The following NUP153 variants were observed in gnomAD, a reference collection of about 807,000 sequenced individuals.
NUP153 encodes nuclear pore complex protein Nup153.
A neutral mutation model predicts 134.6 loss-of-function variants in NUP153; 27 were observed. That is an observed-to-expected ratio of 0.20 (90% CI 0.15 to 0.28). NUP153 has a LOEUF of 0.28. Among genes scored for constraint, NUP153 ranks in the 10% least tolerant of loss-of-function variants. The probability of loss-of-function intolerance (pLI) is 1.00; values close to 1 mark genes in which losing one functional copy is unlikely to be tolerated. For synonymous variants in NUP153, 640 were observed against 623.5 expected (o/e 1.03, Z -0.40); for missense variants, 1,821 against 1,731.3 (o/e 1.05, Z -0.92).
At chr6:17,629,570 A>C in intron 17 of NUP153, 31 bp from the exon 18 acceptor site, 2 of 1,535,228 alleles carry the variant, frequency 1.3e-6, no homozygotes, top group Non-Finnish European at 1.7e-6. Flanking sequence ...CCACATAGAC[A>C]CTCAATGTAC....
chr6:17,700,456 C>A (rs1769981374), intron 1 of NUP153, among the ~76,000 whole-genome samples: 1 of 152,194 alleles, frequency 6.6e-6, no homozygotes, highest in Non-Finnish European at 1.5e-5. Context: ...TATCAACTAT[C>A]CAATCCTATC....
intron 5 of NUP153, among the ~76,000 whole-genome samples, chr6:17,672,606 A>G (rs1030621711): frequency 3.3e-5 from 5 of 152,176 alleles, no homozygotes; most frequent in Non-Finnish European, 5.9e-5. Flanking sequence ...GACGGTGCAA[A>G]AGCTATTCAA....
rs370190728 is a variant in NUP153 at position 17,675,801 on chromosome 6, T to C, written c.335-31A>G. 25 of 1,599,858 alleles carry C rather than the reference T, an allele frequency of 1.6e-5. No homozygotes were observed. The African/African-American group carries it at 2.1e-4, about 14-fold the overall frequency. On this transcript the variant is annotated intron_variant, in intron 2 of 21. Coordinates refer to ENST00000262077, the MANE Select transcript of NUP153 (RefSeq NM_005124.4). This position sits in a 1 kb window ranked among gnomAD's most constrained non-coding sequence, Gnocchi z 4.4. Reference sequence around the variant, plus strand: ...AAGAAAAGCATTAATATTATGAATATACAACTTAGAGCGATACACTACCAC... The same window carrying C: ...AAGAAAAGCATTAATATTATGAATACACAACTTAGAGCGATACACTACCAC...
intron 1 of NUP153, among the ~76,000 whole-genome samples, chr6:17,689,321 A>G (rs1769137446): frequency 6.6e-6 from 1 of 152,052 alleles, no homozygotes; most frequent in Admixed American, 6.6e-5. Context: ...CAGGAGACAG[A>G]GGTTACAGGG....
chr6:17,671,527 A>G (rs927514997), intron 5 of NUP153, among the ~76,000 whole-genome samples: 1 of 152,254 alleles, frequency 6.6e-6, no homozygotes, highest in African/African-American at 2.4e-5. Flanking sequence ...CTAATACCAA[A>G]TAACAAAAGT....
chr6:17,643,024 G>A (rs539400999), intron 14 of NUP153, among the ~76,000 whole-genome samples: 2 of 152,278 alleles, frequency 1.3e-5, no homozygotes, highest in African/African-American at 4.8e-5. Flanking sequence ...AGGCAGAATG[G>A]GGAGCAACTT....
chr6:17,691,991 T>G (rs1403974612), intron 1 of NUP153, among the ~76,000 whole-genome samples: 1 of 152,134 alleles, frequency 6.6e-6, no homozygotes, highest in Non-Finnish European at 1.5e-5. Context: ...TAATGTAGAT[T>G]TAAAAATTTT....
At chr6:17,656,326 G>A (rs1766819765) in intron 11 of NUP153, among the ~76,000 whole-genome samples, 1 of 152,184 alleles carries the variant, frequency 6.6e-6, no homozygotes, top group Non-Finnish European at 1.5e-5. Flanking sequence ...GTGATGGGAA[G>A]GACTGGGTGA....
In NUP153 at chr6:17,625,869, G is replaced by C. The variant is rs1220608239; in HGVS notation, c.3840C>G (p.Ser1280Arg). The C allele has an allele frequency of 2.5e-6, 4 of 1,614,098 alleles. No individual in the cohort carries two copies. The African/African-American group carries it at 5.3e-5, about 22-fold the overall frequency. Reference protein sequence around the residue: ...VTPFVFGPGASSNNTTTSGFG... With the variant: ...VTPFVFGPGARSNNTTTSGFG... Reference sequence around the variant, plus strand: ...AACCAGAGGTGGTAGTATTATTACTGCTGGCTCCTGGACCAAAGACAAATG... The same window carrying C: ...AACCAGAGGTGGTAGTATTATTACTCCTGGCTCCTGGACCAAAGACAAATG... Residue 1280 changes from serine (S) to arginine (R), a missense_variant, in exon 19 of 22, where the codon AGC (serine) becomes AGG (arginine). Ser to Arg is a moderately radical substitution (Grantham distance 110). Coordinates refer to ENST00000262077, the MANE Select transcript of NUP153 (RefSeq NM_005124.4). The surrounding 1 kb of genome is among the most constrained non-coding windows in gnomAD (Gnocchi z 4.7).
chr6:17,674,103 G>A (rs769556009), intron 5 of NUP153, among the ~76,000 whole-genome samples: 2 of 152,188 alleles, frequency 1.3e-5, no homozygotes. Context: ...AAACGTATAT[G>A]ACATTCTGGA....
In NUP153 at chr6:17,637,668, A is replaced by G. The variant is rs554550072; in HGVS notation, c.1949T>C (p.Ile650Thr). The G allele has an allele frequency of 2.5e-5, 41 of 1,613,310 alleles. No individual in the cohort carries two copies. Among genetic ancestry groups the G allele is most frequent in the Non-Finnish European group, 3.2e-5 (38 of 1,180,036 alleles). ...PAISSFSSSG[I>T]GFGESLKAGS... ...AGCTTTTAAACTCTCCCCAAACCCA[A>G]TTCCACTAGAAGAAAAGCTACTTAT... The change falls in exon 16 of 22, where the codon ATT (isoleucine) becomes ACT (threonine). Residue 650 changes from isoleucine (I) to threonine (T), a missense_variant. By Grantham distance (89) the Ile-to-Thr change is moderately conservative. Coordinates refer to ENST00000262077, the MANE Select transcript of NUP153 (RefSeq NM_005124.4).
chr6:17,647,634 T>C (rs888240743), intron 13 of NUP153, among the ~76,000 whole-genome samples, 173 bp downstream of exon 13: 3 of 152,266 alleles, frequency 2.0e-5, no homozygotes, highest in African/African-American at 7.2e-5. Flanking sequence ...CATACATATG[T>C]ACATTATGTA....
At chr6:17,658,835 C>A (rs1455124596) in intron 11 of NUP153, among the ~76,000 whole-genome samples, 1 of 151,972 alleles carries the variant, frequency 6.6e-6, no homozygotes, top group Non-Finnish European at 1.5e-5. Flanking sequence ...CAGTGGTTAA[C>A]CAAGAAGTAG....
chr6:17,667,593 A>G (rs984576640), intron 8 of NUP153, among the ~76,000 whole-genome samples: 1 of 152,198 alleles, frequency 6.6e-6, no homozygotes, highest in Admixed American at 6.5e-5. Flanking sequence ...AGGCGCCTGT[A>G]GTCCCAGCTA....
At chr6:17,702,230 G>A (rs1284794431) in intron 1 of NUP153, among the ~76,000 whole-genome samples, 4 of 152,066 alleles carry the variant, frequency 2.6e-5, no homozygotes, top group South Asian at 2.1e-4. Context: ...ATTTCTGGCC[G>A]GGCGAGGTAG....
Sources: gnomAD v4.1 joint callset for allele counts (sites outside exome capture counted in the v4.1 genomes callset) on GRCh38, gnomAD v4.1.1 for gene constraint, Gnocchi (gnomAD v3.1) non-coding constraint, MANE v1.5 for transcripts, NCBI Gene and HGNC (gene_info 2026-07-23, HGNC 2026-07-21) for gene names.